Variants in OR8B2 observed in about 807,000 individuals in gnomAD.
The protein encoded by OR8B2 is olfactory receptor 8B2.
For synonymous variants in OR8B2, 98 were observed against 138.2 expected, an observed-to-expected ratio of 0.71 and a Z score of 2.04; for missense variants, 304 against 379.6, an observed-to-expected ratio of 0.80 and a Z score of 1.65.
At chr11:124,387,928 ATTT>A (rs1860727406), upstream of OR8B2, among the ~76,000 whole-genome samples, 1 of 150,680 alleles carries the variant, frequency 6.6e-6, no homozygotes, top group African/African-American at 2.4e-5. Flanking sequence ...ATCCTCTTTT[ATTT>A]CATTGAGCAG....
At chr11:124,394,815 A>G in the OR8B2 span, among the ~76,000 whole-genome samples, 1 of 151,560 alleles carries the variant, frequency 6.6e-6, no homozygotes, top group African/African-American at 2.4e-5. Flanking sequence ...TATAAATTAA[A>G]CCCCAAATTT....
chr11:124,396,536 A>C, the OR8B2 span: 1 of 1,613,992 alleles, frequency 6.2e-7, no homozygotes. Context: ...AAACAGAAGA[A>C]ACTTTTCCCT....
chr11:124,394,260 A>T, the OR8B2 span, among the ~76,000 whole-genome samples: 9 of 149,574 alleles, frequency 6.0e-5, no homozygotes, highest in South Asian at 1.5e-3. Flanking sequence ...AATAATAATA[A>T]AAATAAATAA....
the OR8B2 span, among the ~76,000 whole-genome samples, chr11:124,391,643 C>A: frequency 6.6e-6 from 1 of 152,110 alleles, no homozygotes; most frequent in Non-Finnish European, 1.5e-5. Flanking sequence ...CAAAAAGAGT[C>A]CAGGACCAGA....
At chr11:124,388,425 G>A (rs143840684), upstream of OR8B2, among the ~76,000 whole-genome samples, 771 of 152,160 alleles carry the variant, frequency 5.1e-3, 5 homozygotes, top group African/African-American at 0.017. Flanking sequence ...TATCACATTA[G>A]TGACTTTGGG....
At chr11:124,387,982 G>A (rs1223461770), upstream of OR8B2, among the ~76,000 whole-genome samples, 7 of 151,794 alleles carry the variant, frequency 4.6e-5, no homozygotes, top group Admixed American at 6.5e-5. Context: ...CACATCCCTT[G>A]TAAGGTGGAT....
At chr11:124,390,031 G>A in the OR8B2 span, among the ~76,000 whole-genome samples, 2 of 152,168 alleles carry the variant, frequency 1.3e-5, no homozygotes, top group Non-Finnish European at 2.9e-5. Flanking sequence ...AAATGTCAGA[G>A]AAGCCCTGTA....
chr11:124,393,766 A>G, the OR8B2 span, among the ~76,000 whole-genome samples: 6 of 151,922 alleles, frequency 3.9e-5, no homozygotes, highest in Non-Finnish European at 7.4e-5. Flanking sequence ...TATATACCCA[A>G]AGGACTATAA....
chr11:124,383,879 G>T (rs1440786347), intron 1 of OR8B2, among the ~76,000 whole-genome samples: 1 of 152,290 alleles, frequency 6.6e-6, no homozygotes, highest in Admixed American at 6.5e-5. Context: ...AAGACCCTTA[G>T]TAGTCGAGGC....
At chr11:124,393,333 C>T in the OR8B2 span, among the ~76,000 whole-genome samples, 6 of 147,820 alleles carry the variant, frequency 4.1e-5, no homozygotes, top group Admixed American at 4.0e-4. Context: ...AGGCAACCTA[C>T]AAAATGGGAG....
the OR8B2 span, among the ~76,000 whole-genome samples, chr11:124,391,443 A>G: frequency 3.9e-5 from 6 of 152,106 alleles, no homozygotes; most frequent in African/African-American, 1.4e-4. Context: ...ATCACCACCA[A>G]TCCCACAGAA....
At chr11:124,390,380 C>T in the OR8B2 span, among the ~76,000 whole-genome samples, 1 of 152,160 alleles carries the variant, frequency 6.6e-6, no homozygotes, top group Non-Finnish European at 1.5e-5. Context: ...AATCTTTTGG[C>T]TTCCCTAGGC....
At chr11:124,395,563 CTT>C in the OR8B2 span, 1 of 152,102 alleles carries the variant, frequency 6.6e-6, no homozygotes, top group African/African-American at 2.4e-5. Context: ...TTTCTGCTAA[CTT>C]AATGTGCAGT....
the OR8B2 span, among the ~76,000 whole-genome samples, chr11:124,393,221 A>G: frequency 1.7e-3 from 256 of 146,594 alleles, 1 homozygote; most frequent in Non-Finnish European, 3.3e-3. Context: ...CTTCATGTCT[A>G]AAACACCAAA....
the OR8B2 span, among the ~76,000 whole-genome samples, chr11:124,389,880 G>A: frequency 2.0e-5 from 3 of 152,068 alleles, no homozygotes; most frequent in Admixed American, 6.6e-5. Flanking sequence ...TTTAAACAGA[G>A]AATTAGTTAT....
the OR8B2 span, among the ~76,000 whole-genome samples, chr11:124,391,537 C>T: frequency 1.3e-5 from 2 of 152,034 alleles, no homozygotes; most frequent in African/African-American, 2.4e-5. Context: ...AATTCCTCGA[C>T]GCATACACTC....
chr11:124,389,413 T>C (rs626995), upstream of OR8B2, among the ~76,000 whole-genome samples: 131,995 of 152,196 alleles, frequency 0.87, 57,274 homozygotes, highest in South Asian at 0.92. Context: ...ATAAGACAGC[T>C]TACACCAAAA....
chr11:124,384,881 T>C (rs1304862392), upstream of OR8B2, among the ~76,000 whole-genome samples: 1 of 152,174 alleles, frequency 6.6e-6, no homozygotes, highest in African/African-American at 2.4e-5. Flanking sequence ...AACATAAAGA[T>C]TGTCAGAATT....
At chr11:124,397,072 A>G in the OR8B2 span, 1 of 1,613,942 alleles carries the variant, frequency 6.2e-7, no homozygotes, top group African/African-American at 1.3e-5. Context: ...CACCCAACAT[A>G]GGAGATAATA....
Sources: allele counts gnomAD v4.1 joint callset (sites outside exome capture counted in the v4.1 genomes callset), GRCh38; gene constraint gnomAD v4.1.1; transcripts MANE v1.5; gene names NCBI Gene and HGNC (gene_info 2026-07-23, HGNC 2026-07-21).